The following NKIRAS1 variants were observed in gnomAD, a reference collection of about 807,000 sequenced individuals.
NKIRAS1 encodes the protein NF-kappa-B inhibitor-interacting Ras-like protein 1.
A neutral mutation model predicts 19.8 loss-of-function variants in NKIRAS1; 16 were observed. That is an observed-to-expected ratio of 0.81 (90% CI 0.55 to 1.23). The LOEUF (loss-of-function observed/expected upper bound fraction) is 1.23, where lower values mean the gene tolerates loss of function less well. Ranked by LOEUF, NKIRAS1 falls within the 50% of genes most tolerant of loss-of-function variation. The pLI, the probability that NKIRAS1 is intolerant of heterozygous loss-of-function variation, is 0.00. For synonymous variants in NKIRAS1, 88 were observed against 79.0 expected (o/e 1.11, Z -0.61); for missense variants, 184 against 220.0 (o/e 0.84, Z 1.04).
intron 3 of NKIRAS1, among the ~76,000 whole-genome samples, chr3:23,909,296 G>A (rs1201895898): frequency 6.6e-6 from 1 of 152,000 alleles, no homozygotes; most frequent in Admixed American, 6.6e-5. Flanking sequence ...CCGAGGCGGG[G>A]GGATCACTTG....
At chr3:23,919,063 A>G, upstream of NKIRAS1, 1 of 648,676 alleles carries the variant, frequency 1.5e-6, no homozygotes, top group Non-Finnish European at 2.7e-6. Flanking sequence ...CTAGGGAGAA[A>G]TGCTTAGTAA....
intron 1 of NKIRAS1, among the ~76,000 whole-genome samples, chr3:23,925,245 A>C (rs1035884890): frequency 1.3e-5 from 2 of 152,218 alleles, no homozygotes; most frequent in African/African-American, 4.8e-5. Context: ...TAGTATACCA[A>C]GGAGAAAGCA....
At chr3:23,896,317 T>C (rs765526033) in intron 4 of NKIRAS1, among the ~76,000 whole-genome samples, 15 of 146,770 alleles carry the variant, frequency 1.0e-4, no homozygotes, top group Non-Finnish European at 2.3e-4. Flanking sequence ...CACAATCTTA[T>C]CTAAATAAAA....
At chr3:23,913,788 T>C (rs770214952) in intron 1 of NKIRAS1, among the ~76,000 whole-genome samples, 1 of 152,214 alleles carries the variant, frequency 6.6e-6, no homozygotes, top group Admixed American at 6.5e-5. Flanking sequence ...CTGAATCACA[T>C]GAACCGATCC....
At chr3:23,898,443 T>TA (rs1226741193) in intron 4 of NKIRAS1, among the ~76,000 whole-genome samples, 1 of 131,126 alleles carries the variant, frequency 7.6e-6, no homozygotes, top group Non-Finnish European at 1.6e-5. Flanking sequence ...TATTGTATGA[T>TA]TTTTTTTTTT....
chr3:23,893,610 C>T (rs543838150), intron 4 of NKIRAS1, among the ~76,000 whole-genome samples: 1 of 151,996 alleles, frequency 6.6e-6, no homozygotes, highest in African/African-American at 2.4e-5. Context: ...AGTTCAAGAC[C>T]ACCCTGGCCA....
chr3:23,928,979 A>G (rs1463789456), intron 1 of NKIRAS1, among the ~76,000 whole-genome samples: 1 of 150,292 alleles, frequency 6.7e-6, no homozygotes, highest in Non-Finnish European at 1.5e-5. Flanking sequence ...CCTGGGCGAC[A>G]GAGCGAGACT....
At chr3:23,929,237 G>A (rs915374485) in intron 1 of NKIRAS1, among the ~76,000 whole-genome samples, 5 of 151,204 alleles carry the variant, frequency 3.3e-5, no homozygotes. Context: ...GGTGGCAGGC[G>A]CCTGTAATCC....
At chr3:23,934,620 G>T (rs1159615011) in intron 1 of NKIRAS1, among the ~76,000 whole-genome samples, 1 of 152,142 alleles carries the variant, frequency 6.6e-6, no homozygotes, top group Non-Finnish European at 1.5e-5. Context: ...TTCTGGGCAT[G>T]CTGGCAGCAC....
At chr3:23,945,996 A>G in intron 1 of NKIRAS1, 5 of 608,314 alleles carry the variant, frequency 8.2e-6, no homozygotes, top group Non-Finnish European at 1.0e-5. Flanking sequence ...CCTGACCCAC[A>G]TTCCCCGGGG....
At chr3:23,894,495 C>A (rs890773758) in intron 4 of NKIRAS1, among the ~76,000 whole-genome samples, 1 of 152,154 alleles carries the variant, frequency 6.6e-6, no homozygotes, top group Non-Finnish European at 1.5e-5. Flanking sequence ...TCCTGTCATT[C>A]TTCATCACCC....
chr3:23,917,595 G>A, upstream of NKIRAS1: 2 of 376,392 alleles, frequency 5.3e-6, no homozygotes, highest in Admixed American at 4.7e-5. Context: ...CCCCCTTGGT[G>A]CTCAGTTCTG....
intron 4 of NKIRAS1, among the ~76,000 whole-genome samples, chr3:23,899,397 CAA>C (rs898536966): frequency 1.3e-5 from 2 of 152,150 alleles, no homozygotes; most frequent in African/African-American, 4.8e-5. Flanking sequence ...AAAAGCTTAA[CAA>C]AAAATATGCA....
intron 1 of NKIRAS1, chr3:23,945,660 T>C (rs1242518229): frequency 3.9e-6 from 1 of 255,290 alleles, no homozygotes. Flanking sequence ...CGGGGCACTT[T>C]GGGGGGCGGC....
chr3:23,896,228 C>T (rs1351424355), intron 4 of NKIRAS1, among the ~76,000 whole-genome samples: 3 of 151,810 alleles, frequency 2.0e-5, no homozygotes, highest in African/African-American at 2.4e-5. Flanking sequence ...CCTTAAAACC[C>T]ATCCTCCTTC....
intron 3 of NKIRAS1, 88 bp downstream of exon 3, chr3:23,910,723 C>A: frequency 1.1e-6 from 1 of 898,876 alleles, no homozygotes; most frequent in Non-Finnish European, 1.8e-6. Flanking sequence ...CTTTATGTAC[C>A]ATCAACCACC....
Position 23,891,782 on chromosome 3 carries a change from G to A in NKIRAS1, c.*1313C>T, listed in dbSNP as rs1357918354. 1 of 152,156 alleles carries A rather than the reference G, an allele frequency of 6.6e-6. No individual in the cohort carries two copies. The highest frequency in any genetic ancestry group is 1.5e-5 in the Non-Finnish European group (1 of 68,038). The allele number at this position is 152,156 out of a possible 1,614,324, so 9.4% of individuals were successfully genotyped here. A position where few individuals can be genotyped will look rare whatever the true frequency, so the allele number is the denominator to read the frequency against. On this transcript the variant is annotated 3_prime_UTR_variant, in exon 5 of 5. Transcript: ENST00000425478. The stretch of plus-strand genomic sequence containing the variant: ...TACTAATATAGACTAAGTTGCATTA[G>A]TAGGAAACAAAGCAAACTGGAAGGT...
chr3:23,928,291 AAAATAAATAAATAAATAAAT>A (rs71622762), intron 1 of NKIRAS1, among the ~76,000 whole-genome samples: 3 of 144,670 alleles, frequency 2.1e-5, no homozygotes, highest in Admixed American at 6.9e-5. Context: ...CTCTGTCTCA[AAAATAAATAAATAAATAAAT>A]AAATAAATAA....
At chr3:23,943,123 G>A (rs1270790649) in intron 1 of NKIRAS1, among the ~76,000 whole-genome samples, 1 of 152,186 alleles carries the variant, frequency 6.6e-6, no homozygotes, top group Non-Finnish European at 1.5e-5. Flanking sequence ...CACCATTATA[G>A]TATCATACAG....
Sources: gnomAD v4.1 joint callset for allele counts (sites outside exome capture counted in the v4.1 genomes callset) on GRCh38, gnomAD v4.1.1 for gene constraint, MANE v1.5 for transcripts, NCBI Gene and HGNC (gene_info 2026-07-23, HGNC 2026-07-21) for gene names.